The following DNER variants were observed in gnomAD, a reference collection of about 807,000 sequenced individuals.
The protein encoded by DNER is delta/notch like EGF repeat containing.
DNER carries 33 observed loss-of-function variants against 78.2 expected under a neutral mutation model. The observed-to-expected ratio is 0.42, with a 90% CI of 0.32 to 0.56. The LOEUF is 0.56. Among genes scored for constraint, DNER ranks in the 20% least tolerant of loss-of-function variants. The probability of loss-of-function intolerance (pLI) is 0.11; values close to 1 mark genes in which losing one functional copy is unlikely to be tolerated. For missense variants in DNER, 918 were observed against 975.3 expected, an observed-to-expected ratio of 0.94 and a Z score of 0.78; for synonymous variants, 417 against 384.8, an observed-to-expected ratio of 1.08 and a Z score of -0.98.
At chr2:229,475,324 G>A (rs1169076896) in intron 7 of DNER, among the ~76,000 whole-genome samples, 2 of 152,152 alleles carry the variant, frequency 1.3e-5, no homozygotes, top group African/African-American at 2.4e-5. Flanking sequence ...ACCCAGCCCT[G>A]CAAGCCTTGC....
rs183800695 is a variant in DNER at position 229,469,312 on chromosome 2, C to G, written c.1261+7828G>C. Among the ~76,000 whole-genome samples, 7 of 152,270 alleles carry G rather than the reference C, an allele frequency of 4.6e-5. No individual in the cohort carries two copies. The East Asian group carries it at 1.4e-3, about 29-fold the overall frequency. ...AAAGAACATGAACTTCAGGATCAAA[C>G]AAACCTGTTTAGAGCCTCAGGAATT... On this transcript the variant is annotated intron_variant, in intron 7 of 12. Transcript: ENST00000341772.
At chr2:229,384,556 C>T (rs1692818870) in intron 11 of DNER, among the ~76,000 whole-genome samples, 1 of 152,042 alleles carries the variant, frequency 6.6e-6, no homozygotes, top group Non-Finnish European at 1.5e-5. Context: ...CAGATAGACA[C>T]AATAAAAATT....
intron 5 of DNER, among the ~76,000 whole-genome samples, chr2:229,516,696 G>A (rs1002377670): frequency 5.3e-5 from 8 of 150,254 alleles, no homozygotes; most frequent in Non-Finnish European, 7.4e-5. Context: ...GAGGGAAGAC[G>A]ACTGCATGAC....
At chr2:229,704,906 T>C (rs994342084) in intron 1 of DNER, among the ~76,000 whole-genome samples, 10 of 152,390 alleles carry the variant, frequency 6.6e-5, no homozygotes, top group African/African-American at 2.4e-4. Context: ...CTTTTCATTG[T>C]TCCCGTATTG....
chr2:229,397,379 T>C (rs143653721), intron 10 of DNER, among the ~76,000 whole-genome samples: 249 of 147,540 alleles, frequency 1.7e-3, no homozygotes, highest in African/African-American at 5.9e-3. Flanking sequence ...AAGCCTGTTC[T>C]CTGTAACCAA....
intron 1 of DNER, among the ~76,000 whole-genome samples, chr2:229,626,375 T>G (rs542172152): frequency 6.6e-6 from 1 of 152,356 alleles, no homozygotes; most frequent in East Asian, 1.9e-4. Context: ...TATCTCATGA[T>G]CTAAGAAAAA....
chr2:229,647,408 T>G (rs1698738441), intron 1 of DNER, among the ~76,000 whole-genome samples: 1 of 152,162 alleles, frequency 6.6e-6, no homozygotes, highest in Non-Finnish European at 1.5e-5. Flanking sequence ...TACACTAATA[T>G]TAGAACACAC....
At chr2:229,613,787 GCAT>G (rs915670712) in intron 1 of DNER, among the ~76,000 whole-genome samples, 3 of 151,970 alleles carry the variant, frequency 2.0e-5, no homozygotes, top group Admixed American at 2.0e-4. Context: ...GTGAATCTTA[GCAT>G]ACATTCAGAA....
chr2:229,588,596 C>G, intron 2 of DNER, 108 bp from the exon 3 acceptor site: 1 of 872,988 alleles, frequency 1.1e-6, no homozygotes, highest in South Asian at 1.5e-5. Flanking sequence ...TTTGATGATG[C>G]GGGGGTAGGG....
chr2:229,713,206 G>T (rs1247714789), intron 1 of DNER, among the ~76,000 whole-genome samples: 1 of 152,210 alleles, frequency 6.6e-6, no homozygotes, highest in Non-Finnish European at 1.5e-5. Context: ...TACAGGTTTG[G>T]GGATTTTCTA....
At chr2:229,663,652 C>T (rs1699044030) in intron 1 of DNER, among the ~76,000 whole-genome samples, 1 of 152,310 alleles carries the variant, frequency 6.6e-6, no homozygotes, top group African/African-American at 2.4e-5. Context: ...CCATCTGGTT[C>T]CATCCTTACA....
intron 1 of DNER, among the ~76,000 whole-genome samples, chr2:229,625,543 G>A (rs1038395738): frequency 5.9e-5 from 9 of 152,106 alleles, no homozygotes; most frequent in African/African-American, 2.2e-4. Context: ...CGGGCTCAAG[G>A]GCCAGAGGAA....
chr2:229,399,303 TAC>T lies in DNER; in HGVS notation c.1723+7927_1723+7928del, dbSNP rs35817615. ...ATTTACAATCACTAAAAATACACCATACACACACACACACACACATGCATATA... is the reference window on the plus strand; with the variant it reads ...ATTTACAATCACTAAAAATACACCATACACACACACACACACATGCATATA... On this transcript the variant is annotated intron_variant, in intron 10 of 12. Coordinates refer to ENST00000341772, the MANE Select transcript of DNER (RefSeq NM_139072.4). Among the ~76,000 whole-genome samples, 49 of 149,604 alleles carry T rather than the reference TAC, an allele frequency of 3.3e-4. 1 individual carries two copies. The highest frequency in any genetic ancestry group is 1.0e-3 in the African/African-American group (41 of 40,814).
At chr2:229,393,691 C>G (rs1574822957) in intron 10 of DNER, among the ~76,000 whole-genome samples, 1 of 151,674 alleles carries the variant, frequency 6.6e-6, no homozygotes, top group Non-Finnish European at 1.5e-5. Flanking sequence ...ACTAAAAATA[C>G]AAAAAATTAG....
At chr2:229,625,927 GT>G (rs769197757) in intron 1 of DNER, among the ~76,000 whole-genome samples, 9 of 147,156 alleles carry the variant, frequency 6.1e-5, no homozygotes, top group South Asian at 2.2e-4. Context: ...TTTGTTTTTT[GT>G]TTTTTTTTTG....
At position 229,638,723 on chromosome 2, in the gene DNER, C is replaced by T. The variant is rs1698567375; in HGVS notation, c.277-46835G>A. On this transcript the variant is annotated intron_variant, in intron 1 of 12. Transcript: ENST00000341772. ...CATTTATCTACTGGGACCTGCAAAACCTATAGCCAAAAGTCCAAAATAAAA... is the reference window on the plus strand; with the variant it reads ...CATTTATCTACTGGGACCTGCAAAATCTATAGCCAAAAGTCCAAAATAAAA... Among the ~76,000 whole-genome samples, 5 of 152,124 alleles carry T rather than the reference C, an allele frequency of 3.3e-5. No individual in the cohort carries two copies. In the South Asian group the frequency reaches 1.0e-3, roughly 32 times the overall value.
intron 7 of DNER, among the ~76,000 whole-genome samples, chr2:229,465,589 A>T (rs1223582723): frequency 1.3e-5 from 2 of 151,774 alleles, no homozygotes; most frequent in Non-Finnish European, 2.9e-5. Context: ...AATAACATTT[A>T]AAAAAAAATA....
chr2:229,368,866 T>A (rs980721879), intron 11 of DNER, among the ~76,000 whole-genome samples: 1 of 152,218 alleles, frequency 6.6e-6, no homozygotes, highest in Non-Finnish European at 1.5e-5. Context: ...AAAGACAGGA[T>A]TAAAAATGAT....
intron 5 of DNER, among the ~76,000 whole-genome samples, chr2:229,539,425 G>A (rs1346348653): frequency 6.6e-6 from 1 of 152,196 alleles, no homozygotes; most frequent in Non-Finnish European, 1.5e-5. Context: ...AGGAAGAACT[G>A]GCAATGCTGC....
Sources: gnomAD v4.1 joint callset for allele counts (sites outside exome capture counted in the v4.1 genomes callset) on GRCh38, gnomAD v4.1.1 for gene constraint, MANE v1.5 for transcripts, NCBI Gene and HGNC (gene_info 2026-07-23, HGNC 2026-07-21) for gene names.